The following KDM4C variants were observed in gnomAD, a reference collection of about 807,000 sequenced individuals.
KDM4C encodes the protein lysine demethylase 4C, also known as lysine-specific demethylase 4C.
In KDM4C, 81 loss-of-function variants were observed where a neutral mutation model predicts 129.3. The ratio of observed to expected loss-of-function variants is 0.63; its 90% CI spans 0.52 to 0.75. The LOEUF is 0.75. Among genes scored for constraint, KDM4C ranks in the 30% least tolerant of loss-of-function variants. The probability of loss-of-function intolerance (pLI) is 0.00; values close to 1 mark genes in which losing one functional copy is unlikely to be tolerated. For missense variants in KDM4C, 1,457 were observed against 1,304.0 expected, an observed-to-expected ratio of 1.12 and a Z score of -1.81; for synonymous variants, 573 against 456.1, an observed-to-expected ratio of 1.26 and a Z score of -3.26.
At chr9:6,834,062 A>G (rs1463502671) in intron 4 of KDM4C, among the ~76,000 whole-genome samples, 1 of 32,490 alleles carries the variant, frequency 3.1e-5, no homozygotes, top group Non-Finnish European at 5.7e-5. Flanking sequence ...TTTTTTTAAG[A>G]TAGTCTTGCT....
intron 21 of KDM4C, among the ~76,000 whole-genome samples, chr9:7,173,966 G>A (rs982545804): frequency 6.6e-6 from 1 of 152,210 alleles, no homozygotes. Flanking sequence ...TTAGGGCATC[G>A]TAGTTGAGCA....
intron 5 of KDM4C, among the ~76,000 whole-genome samples, chr9:6,875,613 T>C (rs1843430693): frequency 6.6e-6 from 1 of 150,588 alleles, no homozygotes; most frequent in African/African-American, 2.4e-5. Flanking sequence ...TTTGGGTGTT[T>C]TGAGAAGTCA....
Position 7,019,743 on chromosome 9 carries a change from T to TTTTATTTTAAATTTA in KDM4C, c.2259+3814_2259+3815insTTTATTTTAAATTTA, listed in dbSNP as rs1563993194. ...TATAATATTTTTATATATAAAAATATAATATTTTTATATATAAAAATATAA... is the reference window on the plus strand; with the variant it reads ...TATAATATTTTTATATATAAAAATATTTTATTTTAAATTTAAATATTTTTATATATAAAAATATAA... On this transcript the variant is annotated intron_variant, in intron 15 of 21. Transcript: ENST00000381309. Among the ~76,000 whole-genome samples the TTTTATTTTAAATTTA allele has an allele frequency of 1.2e-4, 15 of 124,908 alleles. No individual in the cohort carries two copies. In the Admixed American group the frequency reaches 1.3e-3, roughly 11 times the overall value. The allele number at this position is 124,908 out of a possible 152,430, so 81.9% of individuals were successfully genotyped here.
chr9:6,775,806 C>T (rs547934688), intron 1 of KDM4C, among the ~76,000 whole-genome samples: 1 of 152,294 alleles, frequency 6.6e-6, no homozygotes, highest in South Asian at 2.1e-4. Flanking sequence ...ACAGCATGAG[C>T]CACTGCGCCC....
intron 4 of KDM4C, among the ~76,000 whole-genome samples, chr9:6,831,302 A>G (rs1834775316): frequency 6.6e-6 from 1 of 152,132 alleles, no homozygotes; most frequent in South Asian, 2.1e-4. Context: ...TGTTGGTTCC[A>G]TGATGTCATT....
In KDM4C at chr9:6,807,764, G is replaced by T. The variant is rs1402183131; in HGVS notation, c.320+1990G>T. On this transcript the variant is annotated intron_variant, in intron 3 of 21. Coordinates refer to ENST00000381309, the MANE Select transcript of KDM4C (RefSeq NM_015061.6). ...TGGGAAGTGAGGAGCGTCTCCGCCC[G>T]GCAGCCACCCCGTCTGGGAGGGAGG... Among the ~76,000 whole-genome samples the T allele has an allele frequency of 1.4e-3, 213 of 147,608 alleles. 1 individual carries two copies. Among genetic ancestry groups the T allele is most frequent in the African/African-American group, 4.3e-3 (167 of 39,038 alleles).
chr9:6,990,231 A>C (rs979592633), intron 11 of KDM4C, among the ~76,000 whole-genome samples, 185 bp from the exon 12 acceptor site: 3 of 152,232 alleles, frequency 2.0e-5, no homozygotes. Context: ...AATTACTAAT[A>C]GAATTGATTC....
chr9:7,149,648 G>C (rs1005854583), intron 19 of KDM4C, among the ~76,000 whole-genome samples: 1 of 152,218 alleles, frequency 6.6e-6, no homozygotes, highest in Non-Finnish European at 1.5e-5. Context: ...TTATTGAAAC[G>C]TAATGCATAA....
intron 8 of KDM4C, among the ~76,000 whole-genome samples, chr9:6,919,271 C>CTTTT (rs1820975189): frequency 1.2e-5 from 1 of 85,894 alleles, no homozygotes; most frequent in Non-Finnish European, 2.7e-5. Flanking sequence ...TTCTTTCTTT[C>CTTTT]TGTCTCTCTC....
chr9:7,028,287 C>G (rs10975993), intron 15 of KDM4C, among the ~76,000 whole-genome samples: 12,982 of 151,678 alleles, frequency 0.086, 972 homozygotes, highest in African/African-American at 0.2. Flanking sequence ...GGCTCAAGGG[C>G]TGTTTAGTCA....
intron 17 of KDM4C, among the ~76,000 whole-genome samples, chr9:7,100,139 G>A (rs940840589): frequency 3.3e-5 from 5 of 152,128 alleles, no homozygotes; most frequent in African/African-American, 1.2e-4. Flanking sequence ...GCTCATGCCT[G>A]TAATCCCAAC....
chr9:7,029,990 A>C (rs1826455893), intron 15 of KDM4C, among the ~76,000 whole-genome samples: 1 of 152,138 alleles, frequency 6.6e-6, no homozygotes, highest in Non-Finnish European at 1.5e-5. Flanking sequence ...GAATTCTTGG[A>C]GGTCAGGCAG....
intron 8 of KDM4C, among the ~76,000 whole-genome samples, chr9:6,897,223 A>G (rs997025547): frequency 1.3e-5 from 2 of 152,116 alleles, no homozygotes; most frequent in Admixed American, 6.6e-5. Context: ...GTGTGTATGG[A>G]TTGTGTAGAA....
intron 8 of KDM4C, among the ~76,000 whole-genome samples, chr9:6,970,832 G>T (rs945113217): frequency 7.4e-6 from 1 of 134,964 alleles, no homozygotes; most frequent in African/African-American, 2.9e-5. Context: ...TCACCCCCAG[G>T]GTACCTCCTC....
intron 12 of KDM4C, among the ~76,000 whole-genome samples, chr9:6,992,308 G>A (rs925372066): frequency 6.6e-6 from 1 of 152,180 alleles, no homozygotes; most frequent in African/African-American, 2.4e-5. Context: ...TTTTTGGAAA[G>A]CAGTTCTGAT....
intron 1 of KDM4C, among the ~76,000 whole-genome samples, chr9:6,725,711 C>CTTTTTTTTTT (rs201307657): frequency 8.1e-5 from 7 of 86,444 alleles, no homozygotes; most frequent in Non-Finnish European, 1.4e-4. Flanking sequence ...CTTTTCTTTT[C>CTTTTTTTTTT]TTTTTTTTTT....
intron 19 of KDM4C, among the ~76,000 whole-genome samples, chr9:7,160,505 C>G (rs200901168): frequency 3.9e-5 from 6 of 152,118 alleles, no homozygotes; most frequent in African/African-American, 1.2e-4. Context: ...ACCTACAGAT[C>G]GGGTTTTGGC....
At chr9:7,009,949 T>TA (rs1364562245) in intron 12 of KDM4C, among the ~76,000 whole-genome samples, 5 of 152,204 alleles carry the variant, frequency 3.3e-5, no homozygotes, top group African/African-American at 1.2e-4. Flanking sequence ...AAGAAAAAGA[T>TA]ATGTCATGAA....
At position 6,800,594 on chromosome 9, in the gene KDM4C, ATATC is replaced by A. The variant is rs1181068610; in HGVS notation, c.145-4997_145-4994del. Among the ~76,000 whole-genome samples, 5 of 150,768 alleles carry A rather than the reference ATATC, an allele frequency of 3.3e-5. No individual in the cohort carries two copies. The South Asian group carries it at 8.3e-4, about 25-fold the overall frequency. The stretch of plus-strand genomic sequence containing the variant: ...TTTCAGTAACATATACTATGAATGT[ATATC>A]TATCTATTTTATTTTATTTTTTAAT... On this transcript the variant is annotated intron_variant, in intron 2 of 21. Coordinates refer to ENST00000381309, the MANE Select transcript of KDM4C (RefSeq NM_015061.6).
Sources: allele counts gnomAD v4.1 joint callset (sites outside exome capture counted in the v4.1 genomes callset), GRCh38; gene constraint gnomAD v4.1.1; transcripts MANE v1.5; gene names NCBI Gene and HGNC (gene_info 2026-07-23, HGNC 2026-07-21).